The following YWHAB variants were observed in gnomAD, a reference collection of about 807,000 sequenced individuals.
The protein encoded by YWHAB is tyrosine 3-monooxygenase/tryptophan 5-monooxygenase activation protein beta.
A neutral mutation model predicts 28.5 loss-of-function variants in YWHAB; 2 were observed. The observed-to-expected ratio is 0.07, with a 90% CI of 0.03 to 0.22. YWHAB has a LOEUF of 0.22. Ranked by LOEUF, YWHAB falls within the 10% of genes least tolerant of loss-of-function variation. YWHAB has a pLI of 1.00. For synonymous variants in YWHAB, 103 were observed against 104.7 expected, an observed-to-expected ratio of 0.98 and a Z score of 0.10; for missense variants, 148 against 297.1, an observed-to-expected ratio of 0.50 and a Z score of 3.69.
chr20:44,895,290 C>T (rs1181992147), intron 1 of YWHAB, among the ~76,000 whole-genome samples: 1 of 152,070 alleles, frequency 6.6e-6, no homozygotes, highest in Non-Finnish European at 1.5e-5. Context: ...TGGTGCTGGC[C>T]AGCCTGAGAG....
intron 5 of YWHAB, 72 bp from the exon 6 acceptor site, chr20:44,906,310 T>G: frequency 6.8e-7 from 1 of 1,480,672 alleles, no homozygotes; most frequent in South Asian, 1.1e-5. Flanking sequence ...GAGATAAGAT[T>G]ATACATACTG....
Position 44,908,344 on chromosome 20 carries a change from T to TA in YWHAB, c.*1907dup, listed in dbSNP as rs1342988982. On this transcript the variant is annotated 3_prime_UTR_variant, in exon 6 of 6. Transcript: ENST00000353703. Reference sequence around the variant, plus strand: ...GCCTAACGTTTGCTTCTGTGATGGTTATATTGCCTAGCAAGCACACCCGTG... The same window carrying TA: ...GCCTAACGTTTGCTTCTGTGATGGTTAATATTGCCTAGCAAGCACACCCGTG... 5.9e-5 allele frequency: 9 copies of TA among 152,636 alleles called. No individual in the cohort carries two copies. Among genetic ancestry groups the TA allele is most frequent in the African/African-American group, 2.2e-4 (9 of 41,448 alleles). 9.5% of individuals were successfully genotyped at this position (152,636 alleles called of 1,614,324 possible). A position where few individuals can be genotyped will look rare whatever the true frequency, so the allele number is the denominator to read the frequency against.
chr20:44,904,447 G>A (rs1172574392), intron 3 of YWHAB, among the ~76,000 whole-genome samples: 1 of 152,160 alleles, frequency 6.6e-6, no homozygotes, highest in African/African-American at 2.4e-5. Flanking sequence ...TTTATCACAT[G>A]TATTACCGTG....
Position 44,906,047 on chromosome 20 carries a change from C to G in YWHAB, c.635C>G (p.Ser212Cys). The change falls in exon 5 of 6, where the codon TCT becomes TGT. Residue 212 changes from serine (S) to cysteine (C), a missense_variant. Ser to Cys is a moderately radical substitution (Grantham distance 112). This residue lies in a region of YWHAB where 38 missense variants were observed against 119.2 expected (regional missense o/e 0.32). Coordinates refer to ENST00000353703, the MANE Select transcript of YWHAB (RefSeq NM_139323.4). ...IAELDTLNEE[S>C]YKDSTLIMQL... ...GAATTGGATACGCTGAATGAAGAGT[C>G]TTATAAAGACAGCACTCTGATCATG... 6.2e-7 allele frequency: 1 copy of G among 1,613,830 alleles called. No individual in the cohort carries two copies. The highest frequency in any genetic ancestry group is 8.5e-7 in the Non-Finnish European group (1 of 1,179,872).
chr20:44,901,651 A>G lies in YWHAB; in HGVS notation c.118A>G (p.Asn40Asp), dbSNP rs1380617936. Reference protein sequence around the residue: ...AVTEQGHELSNEERNLLSVAY... With the variant: ...AVTEQGHELSDEERNLLSVAY... Reference sequence around the variant, plus strand: ...CACAGAACAGGGGCATGAACTCTCCAACGAAGAGAGAAATCTGCTCTCTGT... The same window carrying G: ...CACAGAACAGGGGCATGAACTCTCCGACGAAGAGAGAAATCTGCTCTCTGT... Residue 40 changes from asparagine (N) to aspartate (D), a missense_variant, in exon 2 of 6, where the codon AAC becomes GAC. This residue lies in a region of YWHAB where 110 missense variants were observed against 177.9 expected (regional missense o/e 0.62). Transcript: ENST00000353703. 6.2e-7 allele frequency: 1 copy of G among 1,613,594 alleles called. No homozygotes were observed. The highest frequency in any genetic ancestry group is 8.5e-7 in the Non-Finnish European group (1 of 1,179,848).
At chr20:44,890,592 C>T (rs550339783) in intron 1 of YWHAB, among the ~76,000 whole-genome samples, 1 of 144,484 alleles carries the variant, frequency 6.9e-6, no homozygotes, top group Non-Finnish European at 1.5e-5. Flanking sequence ...CTCACTGCAA[C>T]CTCTGAAGCC....
chr20:44,894,005 T>C (rs1383063762), intron 1 of YWHAB, among the ~76,000 whole-genome samples: 2 of 152,204 alleles, frequency 1.3e-5, no homozygotes, highest in Non-Finnish European at 2.9e-5. Flanking sequence ...CCAGTCTCCT[T>C]ATTTTTTAAA....
rs535547647 is a variant in YWHAB, at chr20:44,900,053, CT to C, written c.-3-1467del. Among the ~76,000 whole-genome samples, 1,352 of 145,160 alleles carry C rather than the reference CT, an allele frequency of 9.3e-3. 12 individuals carry two copies. The highest frequency in any genetic ancestry group is 0.029 in the African/African-American group (1,167 of 40,032). ...ACTAAAAGAGTTGGTAGTGTTCTTT[CT>C]TTTTTTTTTTAGAGACAGGGGTCTC... On this transcript the variant is annotated intron_variant, in intron 1 of 5. Transcript: ENST00000353703.
intron 5 of YWHAB, 138 bp from the exon 6 acceptor site, chr20:44,906,244 A>G (rs1406587749): frequency 8.8e-7 from 1 of 1,141,422 alleles, no homozygotes; most frequent in Non-Finnish European, 1.3e-6. Context: ...TGAAGTTTTG[A>G]CCTTTGCAAT....
At chr20:44,891,932 G>GAC (rs1384350847) in intron 1 of YWHAB, among the ~76,000 whole-genome samples, 1 of 152,176 alleles carries the variant, frequency 6.6e-6, no homozygotes, top group African/African-American at 2.4e-5. Flanking sequence ...ATGGCACACA[G>GAC]ACAGTTTTAT....
At chr20:44,896,899 T>C (rs1164794008) in intron 1 of YWHAB, among the ~76,000 whole-genome samples, 1 of 152,260 alleles carries the variant, frequency 6.6e-6, no homozygotes, top group Admixed American at 6.5e-5. Flanking sequence ...CTATGGATTT[T>C]GTTTGTTGTA....
Position 44,906,506 on chromosome 20 carries a change from A to T in YWHAB, c.*68A>T, listed in dbSNP as rs1288571720. ...CTCAACATATATCCCTTGTGCGATAAAAAAAAAAAAAAAAAAAAAAAGAGA... is the reference window on the plus strand; with the variant it reads ...CTCAACATATATCCCTTGTGCGATATAAAAAAAAAAAAAAAAAAAAAGAGA... On this transcript the variant is annotated 3_prime_UTR_variant, in exon 6 of 6. Transcript: ENST00000353703. 3.6e-5 allele frequency: 13 copies of T among 358,610 alleles called. No homozygotes were observed. The highest frequency in any genetic ancestry group is 1.0e-4 in the South Asian group (2 of 19,520). 22.2% of individuals were successfully genotyped at this position (358,610 alleles called of 1,614,324 possible).
At position 44,901,938 on chromosome 20, in the gene YWHAB, T is replaced by G. The variant is rs1353059627; in HGVS notation, c.300+105T>G. 7 of 1,306,862 alleles carry G rather than the reference T, an allele frequency of 5.4e-6. No individual in the cohort carries two copies. The Admixed American group carries it at 1.7e-4, about 31-fold the overall frequency. 81.0% of individuals were successfully genotyped at this position (1,306,862 alleles called of 1,614,324 possible). ...AGCTTATGAGAGAGAGGTGTCTGAA[T>G]ATACTGGAAAGCTGCCAGGTATTTA... On this transcript the variant is annotated intron_variant, in intron 2 of 5. Transcript: ENST00000353703.
chr20:44,900,864 CT>C (rs2066622236), intron 1 of YWHAB, among the ~76,000 whole-genome samples: 1 of 152,110 alleles, frequency 6.6e-6, no homozygotes, highest in Non-Finnish European at 1.5e-5. Flanking sequence ...CAACCTCTGC[CT>C]TTTGGTTTCA....
At chr20:44,903,236 T>C (rs1238975650) in intron 2 of YWHAB, 1 of 283,706 alleles carries the variant, frequency 3.5e-6, no homozygotes, top group African/African-American at 2.3e-5. Flanking sequence ...TATTTATCAT[T>C]ATAACTACCC....
chr20:44,888,597 T>G (rs2066542012), intron 1 of YWHAB, among the ~76,000 whole-genome samples: 1 of 152,240 alleles, frequency 6.6e-6, no homozygotes, highest in African/African-American at 2.4e-5. Flanking sequence ...CCTTAATTTT[T>G]CTTTACACCA....
intron 1 of YWHAB, among the ~76,000 whole-genome samples, chr20:44,898,487 G>A (rs1399941723): frequency 6.6e-6 from 1 of 151,880 alleles, no homozygotes; most frequent in East Asian, 1.9e-4. Context: ...TTTTGTGAGT[G>A]GAGGTCATAC....
At position 44,906,555 on chromosome 20, in the gene YWHAB, T is replaced by C; in HGVS notation, c.*117T>C. 1.1e-6 allele frequency: 1 copy of C among 915,004 alleles called. No individual in the cohort carries two copies. The allele number at this position is 915,004 out of a possible 1,614,324, so 56.7% of individuals were successfully genotyped here. Reference sequence around the variant, plus strand: ...GAATCGTACGTCGACTTTCGATTTTTCACAGCCTCAGCCTAGGAAAAATGG... The same window carrying C: ...GAATCGTACGTCGACTTTCGATTTTCCACAGCCTCAGCCTAGGAAAAATGG... On this transcript the variant is annotated 3_prime_UTR_variant, in exon 6 of 6. Transcript: ENST00000353703.
chr20:44,904,340 T>TA (rs1425521187), intron 3 of YWHAB, among the ~76,000 whole-genome samples: 1 of 152,198 alleles, frequency 6.6e-6, no homozygotes, highest in East Asian at 1.9e-4. Context: ...GCAGTGTATT[T>TA]AAAAAGATCT....
Sources: gnomAD v4.1 joint callset for allele counts (sites outside exome capture counted in the v4.1 genomes callset) on GRCh38, gnomAD v4.1.1 for gene constraint, gnomAD v4.1.1 regional missense constraint, MANE v1.5 for transcripts, NCBI Gene and HGNC (gene_info 2026-07-23, HGNC 2026-07-21) for gene names.